PIK3CA: variants seen among roughly 807,000 people sequenced by gnomAD.
PIK3CA encodes phosphatidylinositol-4,5-bisphosphate 3-kinase catalytic subunit alpha.
A neutral mutation model predicts 138.2 loss-of-function variants in PIK3CA; 27 were observed. The ratio of observed to expected loss-of-function variants is 0.20; its 90% CI spans 0.14 to 0.27. The LOEUF (loss-of-function observed/expected upper bound fraction) is 0.27, where lower values mean the gene tolerates loss of function less well. Among genes scored for constraint, PIK3CA ranks in the 10% least tolerant of loss-of-function variants. The pLI, the probability that PIK3CA is intolerant of heterozygous loss-of-function variation, is 1.00. For missense variants in PIK3CA, 544 were observed against 1,277.4 expected, an observed-to-expected ratio of 0.43 and a Z score of 8.75; for synonymous variants, 358 against 413.2, an observed-to-expected ratio of 0.87 and a Z score of 1.62.
rs1276353701 is a variant in PIK3CA at position 179,240,024 on chromosome 3, A to G, written c.*5660A>G. The G allele has an allele frequency of 2.6e-6, 4 of 1,548,260 alleles. No individual in the cohort carries two copies. The highest frequency in any genetic ancestry group is 3.8e-4 in the Middle Eastern group (2 of 5,250). ...CTGTTTATGCTCATCAGAAACTGTC[A>G]ATGTCTGCTTTTCTTTAACTCTGCA... On this transcript the variant is annotated 3_prime_UTR_variant, in exon 21 of 21. Transcript: ENST00000263967.
chr3:179,205,465 T>C (rs1489257860), intron 6 of PIK3CA, among the ~76,000 whole-genome samples: 4 of 152,206 alleles, frequency 2.6e-5, no homozygotes, highest in Non-Finnish European at 1.5e-5. Context: ...TTTATTCTTT[T>C]CCTGTCTCCA....
intron 17 of PIK3CA, among the ~76,000 whole-genome samples, chr3:179,227,470 T>C (rs1210917091): frequency 6.6e-6 from 1 of 151,976 alleles, no homozygotes; most frequent in Non-Finnish European, 1.5e-5. Context: ...GTAAGAGAAG[T>C]CATCAAAGGA....
At chr3:179,223,307 C>T (rs1047899214) in intron 14 of PIK3CA, among the ~76,000 whole-genome samples, 4 of 152,198 alleles carry the variant, frequency 2.6e-5, no homozygotes, top group Non-Finnish European at 4.4e-5. Context: ...CCCCCACTCA[C>T]ATTTTATATT....
chr3:179,206,426 A>G (rs1202721302), intron 6 of PIK3CA, among the ~76,000 whole-genome samples: 1 of 152,150 alleles, frequency 6.6e-6, no homozygotes, highest in Non-Finnish European at 1.5e-5. Context: ...CCTCACACTG[A>G]TTAGTGGGGT....
At chr3:179,202,107 C>T (rs1234586484) in intron 4 of PIK3CA, among the ~76,000 whole-genome samples, 1 of 152,122 alleles carries the variant, frequency 6.6e-6, no homozygotes, top group Non-Finnish European at 1.5e-5. Flanking sequence ...CTTTGTCTCT[C>T]AGGCTGGAAT....
chr3:179,201,609 ATTT>A (rs373901635), intron 4 of PIK3CA, 69 bp downstream of exon 4: 816 of 760,178 alleles, frequency 1.1e-3, no homozygotes, highest in Middle Eastern at 1.8e-3. Context: ...GAGTATCTGT[ATTT>A]TTTTTTTTTT....
chr3:179,208,435 G>A (rs1724623728), intron 6 of PIK3CA, among the ~76,000 whole-genome samples: 1 of 152,102 alleles, frequency 6.6e-6, no homozygotes, highest in Admixed American at 6.5e-5. Context: ...TTAATTTTAT[G>A]AGATAGTTAT....
rs2108387526 is a variant in PIK3CA at position 179,199,791 on chromosome 3, G to T, written c.454G>T (p.Asp152Tyr). The T allele has an allele frequency of 6.2e-7, 1 of 1,612,426 alleles. No homozygotes were observed. The change falls in exon 3 of 21, where the codon GAT becomes TAT. Residue 152 changes from aspartate to tyrosine, a missense_variant. Asp to Tyr is a radical substitution (Grantham distance 160). Around this residue, in one of 14 missense-constraint regions of PIK3CA, gnomAD observed 234 missense variants for 401.3 expected, o/e 0.58. Coordinates refer to ENST00000263967, the MANE Select transcript of PIK3CA (RefSeq NM_006218.4). ...TCTGAACGTTTGTAAAGAAGCTGTG[G>T]ATCTTAGGGACCTCAATTCACCTCA... ...NILNVCKEAV[D>Y]LRDLNSPHSR...
chr3:179,195,997 G>C (rs1724257619), intron 1 of PIK3CA, among the ~76,000 whole-genome samples: 1 of 152,154 alleles, frequency 6.6e-6, no homozygotes, highest in Admixed American at 6.5e-5. Context: ...GGATCAACAA[G>C]TGTTTTATTA....
chr3:179,200,006 T>G lies in PIK3CA; in HGVS notation c.562+107T>G. Reference sequence around the variant, plus strand: ...TTTTTTTCCAGCTAGATAGTAAGCTTCTTGAAGGCAGGGACTGCTTATACT... The same window carrying G: ...TTTTTTTCCAGCTAGATAGTAAGCTGCTTGAAGGCAGGGACTGCTTATACT... On this transcript the variant is annotated intron_variant, in intron 3 of 20. Transcript: ENST00000263967. The G allele has an allele frequency of 7.7e-6, 5 of 650,598 alleles. No individual in the cohort carries two copies. The South Asian group carries it at 1.1e-4, about 14-fold the overall frequency. The allele number at this position is 650,598 out of a possible 1,614,324, so 40.3% of individuals were successfully genotyped here.
intron 1 of PIK3CA, among the ~76,000 whole-genome samples, chr3:179,173,021 TA>T (rs1053677261): frequency 1.3e-5 from 2 of 152,184 alleles, no homozygotes; most frequent in Admixed American, 1.3e-4. Context: ...AATATAGTAA[TA>T]TTTTTCAATT....
At chr3:179,162,523 T>C (rs1723311328) in intron 1 of PIK3CA, among the ~76,000 whole-genome samples, 1 of 152,084 alleles carries the variant, frequency 6.6e-6, no homozygotes, top group Admixed American at 6.5e-5. Context: ...CCCGGCCTGG[T>C]ATGATAGGAT....
chr3:179,229,564 T>A, intron 18 of PIK3CA, 122 bp downstream of exon 18: 1 of 616,568 alleles, frequency 1.6e-6, no homozygotes, highest in Middle Eastern at 4.1e-4. Flanking sequence ...TGGAAAAAAA[T>A]ATGCTCAACC....
At chr3:179,193,390 A>T (rs901576033) in intron 1 of PIK3CA, among the ~76,000 whole-genome samples, 41 of 152,312 alleles carry the variant, frequency 2.7e-4, no homozygotes, top group African/African-American at 9.1e-4. Flanking sequence ...TAGAAGAAGG[A>T]GATGCTACTG....
rs1725332865 is a variant in PIK3CA at position 179,236,326 on chromosome 3, ACT to A, written c.*1965_*1966del. On this transcript the variant is annotated 3_prime_UTR_variant, in exon 21 of 21. Transcript: ENST00000263967. ...CTTGCGATAGTTAAGCAGAATTTAA[ACT>A]CTGTTTTAAGCAGGAAACCAGAAAG... 9.5e-6 allele frequency: 2 copies of A among 209,706 alleles called. No individual in the cohort carries two copies. The highest frequency in any genetic ancestry group is 1.4e-4 in the East Asian group (2 of 13,878). 13.0% of individuals were successfully genotyped at this position (209,706 alleles called of 1,614,324 possible).
At chr3:179,155,493 A>G (rs372664219) in intron 1 of PIK3CA, among the ~76,000 whole-genome samples, 2 of 152,042 alleles carry the variant, frequency 1.3e-5, no homozygotes, top group Non-Finnish European at 2.9e-5. Context: ...AATATTAGGA[A>G]AAAAAAGGAT....
chr3:179,230,507 C>A lies in PIK3CA; in HGVS notation c.2936+131C>A. ...TGGTGGTTCATGCCTGTAATCCCAA[C>A]TCTTTGGGAGGCCGAGGCTGGAGGA... On this transcript the variant is annotated intron_variant, in intron 20 of 20. Transcript: ENST00000263967. The surrounding 1 kb of genome is among the most constrained non-coding windows in gnomAD (Gnocchi z 5.4). 1.3e-6 allele frequency: 1 copy of A among 742,088 alleles called. No individual in the cohort carries two copies. The highest frequency in any genetic ancestry group is 2.2e-6 in the Non-Finnish European group (1 of 463,662). 46.0% of individuals were successfully genotyped at this position (742,088 alleles called of 1,614,324 possible). A position where few individuals can be genotyped will look rare whatever the true frequency, so the allele number is the denominator to read the frequency against.
intron 9 of PIK3CA, among the ~76,000 whole-genome samples, chr3:179,214,594 G>A (rs1452022607): frequency 6.6e-6 from 1 of 151,936 alleles, no homozygotes; most frequent in Non-Finnish European, 1.5e-5. Context: ...AATATTATAA[G>A]AATTACCAAA....
At chr3:179,148,188 G>C (rs576007456), upstream of PIK3CA, 1 of 152,068 alleles carries the variant, frequency 6.6e-6, no homozygotes, top group Non-Finnish European at 1.5e-5. Context: ...GGCCGAGGGG[G>C]TGGGGAAGAG....
Sources: gnomAD v4.1 joint callset for allele counts (sites outside exome capture counted in the v4.1 genomes callset) on GRCh38, gnomAD v4.1.1 for gene constraint, gnomAD v4.1.1 regional missense constraint, Gnocchi (gnomAD v3.1) non-coding constraint, MANE v1.5 for transcripts, NCBI Gene and HGNC (gene_info 2026-07-23, HGNC 2026-07-21) for gene names.